Variants in LRMDA observed in about 807,000 individuals in gnomAD.
LRMDA encodes leucine rich melanocyte differentiation associated.
In LRMDA, 18 loss-of-function variants were observed where a neutral mutation model predicts 29.8. The observed-to-expected ratio is 0.60, with a 90% CI of 0.42 to 0.90. The LOEUF (loss-of-function observed/expected upper bound fraction) is 0.90. Among genes scored for constraint, LRMDA ranks in the 40% least tolerant of loss-of-function variants. LRMDA has a pLI of 0.00. For missense variants in LRMDA, 273 were observed against 273.9 expected (o/e 1.00, Z 0.02); for synonymous variants, 125 against 109.4 (o/e 1.14, Z -0.89).
At chr10:75,646,398 A>AGCC (rs1328285216) in intron 2 of LRMDA, among the ~76,000 whole-genome samples, 2 of 152,172 alleles carry the variant, frequency 1.3e-5, no homozygotes, top group Non-Finnish European at 2.9e-5. Flanking sequence ...AGTCATCGTG[A>AGCC]GCCGTGCAGC....
chr10:76,489,064 A>G (rs1194181148), intron 6 of LRMDA, among the ~76,000 whole-genome samples: 1 of 151,836 alleles, frequency 6.6e-6, no homozygotes, highest in East Asian at 1.9e-4. Flanking sequence ...CTCTTCCTCT[A>G]TTTTTTGTAA....
intron 5 of LRMDA, among the ~76,000 whole-genome samples, chr10:76,235,867 A>C (rs1332764813): frequency 6.6e-6 from 1 of 152,208 alleles, no homozygotes; most frequent in Non-Finnish European, 1.5e-5. Context: ...ACTAATGTAG[A>C]TTTCCTTTAC....
intron 2 of LRMDA, among the ~76,000 whole-genome samples, chr10:75,863,809 C>G (rs1188525933): frequency 6.6e-6 from 1 of 152,202 alleles, no homozygotes; most frequent in Non-Finnish European, 1.5e-5. Context: ...AGCAAGGACA[C>G]TTAGAATGTG....
At chr10:75,627,377 C>G (rs1398674349) in intron 2 of LRMDA, among the ~76,000 whole-genome samples, 1 of 152,132 alleles carries the variant, frequency 6.6e-6, no homozygotes, top group Non-Finnish European at 1.5e-5. Context: ...TTCCTGTGTT[C>G]TTCTGTTCTC....
intron 2 of LRMDA, among the ~76,000 whole-genome samples, chr10:75,924,750 G>T (rs556621326): frequency 6.6e-6 from 1 of 152,142 alleles, no homozygotes; most frequent in Admixed American, 6.5e-5. Context: ...GGGGGTGGGG[G>T]CGCAGAGAGC....
chr10:76,547,696 T>G (rs1205919216), intron 6 of LRMDA, among the ~76,000 whole-genome samples: 2 of 152,096 alleles, frequency 1.3e-5, no homozygotes, highest in East Asian at 3.9e-4. Context: ...TCTGAGTTTC[T>G]CACTCAAACA....
In LRMDA at chr10:76,314,063, A is replaced by T. The variant is rs568901959; in HGVS notation, c.517-10338A>T. Among the ~76,000 whole-genome samples, 3 of 152,304 alleles carry T rather than the reference A, an allele frequency of 2.0e-5. No homozygotes were observed. The South Asian group carries it at 6.2e-4, about 32-fold the overall frequency. On this transcript the variant is annotated intron_variant, in intron 5 of 6. Coordinates refer to ENST00000611255, the MANE Select transcript of LRMDA (RefSeq NM_001305581.2). ...ATGCCTTGCAATACCCAACAAAGCAACTTCTCAAAGAATTAAGAAAAGATT... is the reference window on the plus strand; with the variant it reads ...ATGCCTTGCAATACCCAACAAAGCATCTTCTCAAAGAATTAAGAAAAGATT...
intron 2 of LRMDA, among the ~76,000 whole-genome samples, chr10:75,956,073 G>T (rs541619870): frequency 6.6e-6 from 1 of 152,184 alleles, no homozygotes; most frequent in Non-Finnish European, 1.5e-5. Flanking sequence ...GGTCTCTAAA[G>T]AAATTGTAGT....
chr10:75,556,887 A>G (rs1387682755), intron 2 of LRMDA, among the ~76,000 whole-genome samples: 1 of 152,076 alleles, frequency 6.6e-6, no homozygotes, highest in Non-Finnish European at 1.5e-5. Context: ...TCAAAAGCCT[A>G]TAGATAAATT....
intron 5 of LRMDA, among the ~76,000 whole-genome samples, chr10:76,223,851 C>T (rs1851897270): frequency 6.6e-6 from 1 of 152,150 alleles, no homozygotes; most frequent in Non-Finnish European, 1.5e-5. Flanking sequence ...TTTTCTTGTC[C>T]ACTCTTTCCT....
chr10:75,812,553 G>A (rs543025800), intron 2 of LRMDA, among the ~76,000 whole-genome samples: 3 of 152,254 alleles, frequency 2.0e-5, no homozygotes, highest in Non-Finnish European at 4.4e-5. Flanking sequence ...AATTCTGAAC[G>A]TGGTGACATG....
intron 5 of LRMDA, among the ~76,000 whole-genome samples, chr10:76,169,118 A>G (rs1340181495): frequency 6.6e-6 from 1 of 152,206 alleles, no homozygotes; most frequent in Non-Finnish European, 1.5e-5. Context: ...AGCCTGCCCC[A>G]TAGTAATTCT....
intron 2 of LRMDA, among the ~76,000 whole-genome samples, chr10:75,924,707 A>G (rs1192046938): frequency 6.6e-6 from 1 of 151,992 alleles, no homozygotes; most frequent in Non-Finnish European, 1.5e-5. Flanking sequence ...AAAGAGGAAG[A>G]GAACATGGCA....
Position 75,548,245 on chromosome 10 carries a change from T to A in LRMDA, c.131+109751T>A, listed in dbSNP as rs537043716. Among the ~76,000 whole-genome samples the A allele has an allele frequency of 3.9e-5, 6 of 152,318 alleles. No individual in the cohort carries two copies. The South Asian group carries it at 1.2e-3, about 32-fold the overall frequency. On this transcript the variant is annotated intron_variant, in intron 2 of 6. Transcript: ENST00000611255. Reference sequence around the variant, plus strand: ...CCAAAGAATCTTCTTTAGAGCAAGATGGCATTTAATATTTTTGCAGATTAA... The same window carrying A: ...CCAAAGAATCTTCTTTAGAGCAAGAAGGCATTTAATATTTTTGCAGATTAA...
intron 5 of LRMDA, among the ~76,000 whole-genome samples, chr10:76,081,554 G>A (rs145574439): frequency 9.2e-5 from 14 of 152,282 alleles, no homozygotes; most frequent in African/African-American, 2.6e-4. Flanking sequence ...TATGTTTTAC[G>A]TAACATGTTT....
chr10:75,735,886 G>C, intron 2 of LRMDA, among the ~76,000 whole-genome samples: 1 of 152,152 alleles, frequency 6.6e-6, no homozygotes, highest in East Asian at 1.9e-4. Flanking sequence ...GACACACACT[G>C]TTACTTATAA....
chr10:75,541,591 G>A (rs2132049027), intron 2 of LRMDA, among the ~76,000 whole-genome samples: 1 of 152,224 alleles, frequency 6.6e-6, no homozygotes, highest in African/African-American at 2.4e-5. Context: ...ATTGTAGGAG[G>A]AATACATAGT....
At chr10:76,049,007 A>G (rs1192983933) in intron 4 of LRMDA, among the ~76,000 whole-genome samples, 1 of 152,148 alleles carries the variant, frequency 6.6e-6, no homozygotes, top group Non-Finnish European at 1.5e-5. Context: ...ATCTTTGGCC[A>G]TCTCAGATGC....
intron 2 of LRMDA, among the ~76,000 whole-genome samples, chr10:75,818,103 T>A (rs1480469806): frequency 1.3e-5 from 2 of 152,200 alleles, no homozygotes; most frequent in Non-Finnish European, 2.9e-5. Flanking sequence ...CCTTTTTATT[T>A]GAGATATCCT....
Sources: allele counts gnomAD v4.1 joint callset (sites outside exome capture counted in the v4.1 genomes callset), GRCh38; gene constraint gnomAD v4.1.1; transcripts MANE v1.5; gene names NCBI Gene and HGNC (gene_info 2026-07-23, HGNC 2026-07-21).